The following KLF12 variants were observed in gnomAD, a reference collection of about 807,000 sequenced individuals.
KLF12 encodes the protein Krueppel-like factor 12.
In KLF12, 9 loss-of-function variants were observed where a neutral mutation model predicts 37.8. That is an observed-to-expected ratio of 0.24 (90% CI 0.14 to 0.42). The LOEUF (loss-of-function observed/expected upper bound fraction) is 0.42, where lower values mean the gene tolerates loss of function less well. Ranked by LOEUF, KLF12 falls within the 10% of genes least tolerant of loss-of-function variation. KLF12 has a pLI of 1.00. For missense variants in KLF12, 411 were observed against 516.0 expected, an observed-to-expected ratio of 0.80 and a Z score of 1.97; for synonymous variants, 208 against 202.1, an observed-to-expected ratio of 1.03 and a Z score of -0.25.
At chr13:73,714,212 G>A (rs894565490) in intron 7 of KLF12, among the ~76,000 whole-genome samples, 6 of 152,210 alleles carry the variant, frequency 3.9e-5, no homozygotes, top group African/African-American at 9.7e-5. Context: ...AAAGGCCAAG[G>A]TGGAAGGACC....
chr13:73,987,608 G>A (rs7330102), intron 2 of KLF12, among the ~76,000 whole-genome samples: 99,014 of 148,712 alleles, frequency 0.67, 34,535 homozygotes, highest in East Asian at 0.83. Context: ...GGGAGCAGAC[G>A]TGGGAGAGGG....
At chr13:74,256,953 A>C in the KLF12 span, 34 of 152,124 alleles carry the variant, frequency 2.2e-4, no homozygotes, top group African/African-American at 8.0e-4. Context: ...GTGACATCTT[A>C]TCTACTTAAG....
intron 1 of KLF12, among the ~76,000 whole-genome samples, chr13:74,003,043 G>A (rs1475334755): frequency 1.3e-5 from 2 of 152,150 alleles, no homozygotes; most frequent in African/African-American, 4.8e-5. Flanking sequence ...TTGAATTCAT[G>A]GAAGAACCAT....
At chr13:73,854,018 C>T (rs928482777) in intron 3 of KLF12, among the ~76,000 whole-genome samples, 2 of 152,124 alleles carry the variant, frequency 1.3e-5, no homozygotes, top group Non-Finnish European at 2.9e-5. Context: ...GTCCTATTAT[C>T]TTGCAATTGT....
chr13:73,967,522 A>AT (rs1409949146), intron 2 of KLF12, among the ~76,000 whole-genome samples: 3 of 152,216 alleles, frequency 2.0e-5, no homozygotes, highest in Non-Finnish European at 4.4e-5. Context: ...CACCTTTGTA[A>AT]GCAAGGCATC....
intron 1 of KLF12, among the ~76,000 whole-genome samples, chr13:74,000,300 C>T (rs932981864): frequency 1.3e-5 from 2 of 152,126 alleles, no homozygotes; most frequent in African/African-American, 4.8e-5. Context: ...ATACGAAGGT[C>T]CTGGGATCCA....
chr13:74,105,218 T>C (rs553201539), intron 1 of KLF12, among the ~76,000 whole-genome samples: 1 of 152,330 alleles, frequency 6.6e-6, no homozygotes, highest in South Asian at 2.1e-4. Context: ...GGAGACACAC[T>C]GTCAAAGGAA....
intron 5 of KLF12, among the ~76,000 whole-genome samples, chr13:73,777,352 T>TTTCTC (rs1310027069): frequency 6.6e-6 from 1 of 152,190 alleles, no homozygotes; most frequent in African/African-American, 2.4e-5. Flanking sequence ...TTTTGAGATT[T>TTTCTC]TTCTCTCTTG....
chr13:73,744,011 A>G (rs1050174112), intron 6 of KLF12, among the ~76,000 whole-genome samples: 1 of 152,210 alleles, frequency 6.6e-6, no homozygotes, highest in Non-Finnish European at 1.5e-5. Flanking sequence ...GACCTCTCCT[A>G]TTTATTTGGA....
intron 6 of KLF12, among the ~76,000 whole-genome samples, chr13:73,738,167 CAG>C (rs1164645352): frequency 3.0e-4 from 34 of 112,756 alleles, no homozygotes; most frequent in African/African-American, 1.2e-3. Context: ...TTTTTTGAGA[CAG>C]AGTCTTGCTC....
intron 4 of KLF12, among the ~76,000 whole-genome samples, chr13:73,837,993 G>C (rs546500525): frequency 6.6e-6 from 1 of 152,262 alleles, no homozygotes; most frequent in South Asian, 2.1e-4. Context: ...TGACATGAAC[G>C]AAATCTCTAG....
At chr13:74,031,063 A>G (rs980946495) in intron 1 of KLF12, among the ~76,000 whole-genome samples, 2 of 152,148 alleles carry the variant, frequency 1.3e-5, no homozygotes, top group African/African-American at 2.4e-5. Flanking sequence ...TACAAAGATT[A>G]TATAAACAGT....
At chr13:73,982,947 CT>C (rs1054788990) in intron 2 of KLF12, among the ~76,000 whole-genome samples, 5 of 151,184 alleles carry the variant, frequency 3.3e-5, no homozygotes, top group African/African-American at 7.3e-5. Context: ...CTCTTTAACA[CT>C]TTTTTTCCAA....
Sources: gnomAD v4.1 joint callset for allele counts (sites outside exome capture counted in the v4.1 genomes callset) on GRCh38, gnomAD v4.1.1 for gene constraint, MANE v1.5 for transcripts, NCBI Gene and HGNC (gene_info 2026-07-23, HGNC 2026-07-21) for gene names.